Variants in DENND10 observed in about 807,000 individuals in gnomAD.
DENND10 encodes the protein DENN domain containing 10.
DENND10 carries 24 observed loss-of-function variants against 43.6 expected under a neutral mutation model. That is an observed-to-expected ratio of 0.55 (90% CI 0.40 to 0.77). The LOEUF (loss-of-function observed/expected upper bound fraction) is 0.77, where lower values mean the gene tolerates loss of function less well. Ranked by LOEUF, DENND10 falls within the 30% of genes least tolerant of loss-of-function variation. DENND10 has a pLI of 0.00. For missense variants in DENND10, 303 were observed against 429.9 expected, an observed-to-expected ratio of 0.70 and a Z score of 2.61; for synonymous variants, 125 against 157.6, an observed-to-expected ratio of 0.79 and a Z score of 1.55.
At chr10:119,129,895 T>C (rs1846005253) in intron 7 of DENND10, among the ~76,000 whole-genome samples, 1 of 152,236 alleles carries the variant, frequency 6.6e-6, no homozygotes, top group South Asian at 2.1e-4. Context: ...TATTATCTAC[T>C]GCCACATAAC....
intron 6 of DENND10, among the ~76,000 whole-genome samples, chr10:119,124,438 G>A (rs978317867): frequency 4.0e-5 from 6 of 151,356 alleles, no homozygotes; most frequent in Non-Finnish European, 8.8e-5. Context: ...CTACTCGGGA[G>A]GCTGAGGCAC....
At position 119,132,742 on chromosome 10, in the gene DENND10, ACAGAC is replaced by A. The variant is rs1236038281; in HGVS notation, c.897+134_897+138del. On this transcript the variant is annotated intron_variant, in intron 8 of 8. Coordinates refer to ENST00000361432, the MANE Select transcript of DENND10 (RefSeq NM_207009.4). The surrounding 1 kb of genome is among the most constrained non-coding windows in gnomAD (Gnocchi z 4.2). ...GCGGGCAGGTGCTTAGAGAGGGTTT[ACAGAC>A]GGCCACAGTGATGATGGACAAGCAG... 1 of 717,326 alleles carries A rather than the reference ACAGAC, an allele frequency of 1.4e-6. No individual in the cohort carries two copies. Among genetic ancestry groups the A allele is most frequent in the Non-Finnish European group, 2.5e-6 (1 of 402,186 alleles). The allele number at this position is 717,326 out of a possible 1,614,324, so 44.4% of individuals were successfully genotyped here.
intron 4 of DENND10, among the ~76,000 whole-genome samples, chr10:119,119,074 C>T (rs112032644): frequency 0.041 from 6,115 of 150,680 alleles, 408 homozygotes; most frequent in African/African-American, 0.14. Context: ...GGCTGGGTGG[C>T]GCGATCTTGG....
At chr10:119,112,983 G>A (rs7076282) in intron 3 of DENND10, among the ~76,000 whole-genome samples, 2,267 of 151,712 alleles carry the variant, frequency 0.015, 48 homozygotes, top group African/African-American at 0.052. Context: ...CCGAGTAACT[G>A]AGATTACAGG....
chr10:119,124,393 T>C (rs10886392), intron 6 of DENND10, among the ~76,000 whole-genome samples: 2 of 139,398 alleles, frequency 1.4e-5, no homozygotes, highest in East Asian at 4.3e-4. Context: ...AAAAAAAAAT[T>C]AGCCGGGTGT....
chr10:119,115,118 A>G, intron 3 of DENND10, among the ~76,000 whole-genome samples: 1 of 152,006 alleles, frequency 6.6e-6, no homozygotes, highest in East Asian at 1.9e-4. Flanking sequence ...GTTGGTAGTA[A>G]TAAAGCACAT....
intron 4 of DENND10, among the ~76,000 whole-genome samples, chr10:119,118,168 A>G (rs942811765): frequency 6.6e-6 from 1 of 152,104 alleles, no homozygotes; most frequent in Non-Finnish European, 1.5e-5. Context: ...TTTTCATATC[A>G]TTTGTACACA....
intron 1 of DENND10, among the ~76,000 whole-genome samples, chr10:119,106,810 C>T (rs539926333): frequency 7.6e-4 from 115 of 152,198 alleles, no homozygotes; most frequent in African/African-American, 2.4e-3. Context: ...TTTGGGGGGC[C>T]GAGGCAGGCA....
At chr10:119,133,846 T>C (rs1589750017) in intron 8 of DENND10, 1 of 152,324 alleles carries the variant, frequency 6.6e-6, no homozygotes, top group East Asian at 1.9e-4. Context: ...TAAAGACATA[T>C]TCTTACAATA....
intron 1 of DENND10, among the ~76,000 whole-genome samples, chr10:119,107,250 AG>A: frequency 6.6e-6 from 1 of 151,974 alleles, no homozygotes; most frequent in East Asian, 1.9e-4. Flanking sequence ...CTGGGAGCCA[AG>A]ATAGCACCAG....
rs372850331 is a variant in DENND10 at position 119,109,520 on chromosome 10, A to T, written c.252+1356A>T. ...GACTAGAATACCAGCTTAAATTTTA[A>T]AAATTACATTTAAAATAGCAGGAAG... On this transcript the variant is annotated intron_variant, in intron 2 of 8. Coordinates refer to ENST00000361432, the MANE Select transcript of DENND10 (RefSeq NM_207009.4). Among the ~76,000 whole-genome samples, 5 of 152,342 alleles carry T rather than the reference A, an allele frequency of 3.3e-5. No homozygotes were observed. The East Asian group carries it at 7.7e-4, about 23-fold the overall frequency.
intron 1 of DENND10, among the ~76,000 whole-genome samples, chr10:119,104,607 G>A (rs1223905892): frequency 1.3e-5 from 2 of 149,806 alleles, no homozygotes; most frequent in African/African-American, 2.4e-5. Context: ...GCGGCGCGGC[G>A]GGGAGGAGGC....
intron 6 of DENND10, among the ~76,000 whole-genome samples, chr10:119,125,402 C>T (rs540671369): frequency 6.7e-6 from 1 of 150,308 alleles, no homozygotes; most frequent in Admixed American, 6.7e-5. Context: ...TACAGGCCTA[C>T]AATGTATAAT....
intron 6 of DENND10, among the ~76,000 whole-genome samples, chr10:119,128,061 C>G (rs980001439): frequency 4.6e-5 from 7 of 152,092 alleles, no homozygotes; most frequent in African/African-American, 9.7e-5. Context: ...GCCTGTAATC[C>G]CAGCACTTTG....
At chr10:119,115,129 T>G (rs1411262446) in intron 3 of DENND10, among the ~76,000 whole-genome samples, 1 of 152,028 alleles carries the variant, frequency 6.6e-6, no homozygotes, top group East Asian at 1.9e-4. Flanking sequence ...TAAAGCACAT[T>G]TAGAAACACA....
chr10:119,137,853 C>T lies in DENND10; in HGVS notation c.*1206C>T, dbSNP rs547438436. 16 of 165,548 alleles carry T rather than the reference C, an allele frequency of 9.7e-5. No individual in the cohort carries two copies. In the East Asian group the frequency reaches 2.9e-3, roughly 30 times the overall value. The allele number at this position is 165,548 out of a possible 1,614,324, so 10.3% of individuals were successfully genotyped here. ...GGCAAATAATTGAAAATTAAATCTG[C>T]ACTTTATGGAAATGAGGAATATTAA... On this transcript the variant is annotated 3_prime_UTR_variant, in exon 9 of 9. Coordinates refer to ENST00000361432, the MANE Select transcript of DENND10 (RefSeq NM_207009.4).
intron 6 of DENND10, among the ~76,000 whole-genome samples, chr10:119,129,173 G>A (rs991828018): frequency 6.6e-6 from 1 of 152,002 alleles, no homozygotes; most frequent in African/African-American, 2.4e-5. Flanking sequence ...TTGATTTCCT[G>A]AAGGCAAAGA....
At chr10:119,104,228 C>G in intron 1 of DENND10, 31 bp downstream of exon 1, 5 of 1,500,428 alleles carry the variant, frequency 3.3e-6, no homozygotes, top group Non-Finnish European at 3.6e-6. Flanking sequence ...CCTGGAAGCC[C>G]GCACCCTGGT....
At chr10:119,123,605 C>CTTTTT (rs372448900) in intron 6 of DENND10, 36 bp downstream of exon 6, 14 of 1,033,520 alleles carry the variant, frequency 1.4e-5, no homozygotes, top group East Asian at 2.8e-5. Context: ...AACTGTTTCA[C>CTTTTT]TTTTTTTTTT....
Sources: allele counts gnomAD v4.1 joint callset (sites outside exome capture counted in the v4.1 genomes callset), GRCh38; gene constraint gnomAD v4.1.1; non-coding constraint Gnocchi (gnomAD v3.1); transcripts MANE v1.5; gene names NCBI Gene and HGNC (gene_info 2026-07-23, HGNC 2026-07-21).